Variants in DPYD observed in about 807,000 individuals in gnomAD.
The protein encoded by DPYD is dihydropyrimidine dehydrogenase [NADP(+)].
Under a neutral mutation model 116.2 loss-of-function variants are expected in DPYD, and 109 were observed. That is an observed-to-expected ratio of 0.94 (90% CI 0.80 to 1.10). The LOEUF is 1.10. DPYD is among the 50% of genes least tolerant of loss of function. The probability of loss-of-function intolerance (pLI) is 0.00; values close to 1 mark genes in which losing one functional copy is unlikely to be tolerated. For synonymous variants in DPYD, 440 were observed against 432.0 expected (o/e 1.02, Z -0.23); for missense variants, 1,302 against 1,254.5 (o/e 1.04, Z -0.57).
intron 10 of DPYD, among the ~76,000 whole-genome samples, chr1:97,578,970 A>T (rs890326796): frequency 5.9e-5 from 9 of 152,338 alleles, no homozygotes; most frequent in African/African-American, 1.9e-4. Flanking sequence ...TACAAAATTT[A>T]AAAACTAACA....
chr1:97,249,386 G>T (rs984015940), intron 18 of DPYD, among the ~76,000 whole-genome samples: 2 of 151,020 alleles, frequency 1.3e-5, no homozygotes, highest in African/African-American at 4.9e-5. Flanking sequence ...AGAGGAAGGG[G>T]GGAGAAAAGA....
rs546466630 is a variant in DPYD, at chr1:97,878,766, C to T, written c.150+4498G>A. Reference sequence around the variant, plus strand: ...GATCAACTCACACTGATCATTAAAACGCCTTAACTGTTCTTCCTTCAAAAG... The same window carrying T: ...GATCAACTCACACTGATCATTAAAATGCCTTAACTGTTCTTCCTTCAAAAG... On this transcript the variant is annotated intron_variant, in intron 2 of 22. Transcript: ENST00000370192. 3.9e-5 allele frequency among the ~76,000 whole-genome samples: 6 copies of T among 152,040 alleles called. No individual in the cohort carries two copies. In the East Asian group the frequency reaches 5.8e-4, roughly 15 times the overall value.
intron 14 of DPYD, among the ~76,000 whole-genome samples, chr1:97,392,986 C>A (rs968357568): frequency 6.6e-6 from 1 of 151,988 alleles, no homozygotes; most frequent in African/African-American, 2.4e-5. Flanking sequence ...CTATCCAGAC[C>A]ACTAAAATGT....
At chr1:97,778,149 C>A (rs1666521574) in intron 3 of DPYD, among the ~76,000 whole-genome samples, 1 of 67,654 alleles carries the variant, frequency 1.5e-5, no homozygotes, top group East Asian at 4.1e-4. Flanking sequence ...CAGAGTAAGA[C>A]CCTGTCAAAA....
chr1:97,804,982 T>A (rs1331513967), intron 3 of DPYD, among the ~76,000 whole-genome samples: 8 of 151,944 alleles, frequency 5.3e-5, no homozygotes, highest in Non-Finnish European at 1.0e-4. Flanking sequence ...TAAAATATTT[T>A]GTTAAAACAA....
intron 5 of DPYD, among the ~76,000 whole-genome samples, chr1:97,700,556 G>T (rs1169480288): frequency 6.6e-6 from 1 of 151,970 alleles, no homozygotes. Flanking sequence ...AAATGACAGT[G>T]ATCAGTCCTC....
intron 16 of DPYD, among the ~76,000 whole-genome samples, chr1:97,329,544 C>G (rs140010859): frequency 6.6e-6 from 1 of 151,506 alleles, no homozygotes; most frequent in East Asian, 2.0e-4. Context: ...GTCAGGAGTT[C>G]GAGACCAGCC....
intron 16 of DPYD, among the ~76,000 whole-genome samples, chr1:97,343,211 G>T (rs146321846): frequency 6.6e-6 from 1 of 152,158 alleles, no homozygotes; most frequent in Non-Finnish European, 1.5e-5. Context: ...ACCATTTACA[G>T]CTATTGATTT....
At chr1:97,472,284 C>A (rs1677707926) in intron 13 of DPYD, among the ~76,000 whole-genome samples, 1 of 152,212 alleles carries the variant, frequency 6.6e-6, no homozygotes, top group Non-Finnish European at 1.5e-5. Context: ...TAGACACCTA[C>A]TGGATTAACT....
At chr1:97,314,511 T>A (rs922870988) in intron 16 of DPYD, among the ~76,000 whole-genome samples, 5 of 138,774 alleles carry the variant, frequency 3.6e-5, no homozygotes, top group African/African-American at 1.1e-4. Context: ...TTTTTTTTTT[T>A]ACAAATGGAC....
At chr1:97,752,799 T>C (rs376494587) in intron 3 of DPYD, among the ~76,000 whole-genome samples, 2 of 152,140 alleles carry the variant, frequency 1.3e-5, no homozygotes, top group Non-Finnish European at 2.9e-5. Context: ...AATTATCACA[T>C]TGGACAGTAA....
At chr1:97,453,781 G>T (rs1676543533) in intron 13 of DPYD, among the ~76,000 whole-genome samples, 1 of 151,970 alleles carries the variant, frequency 6.6e-6, no homozygotes, top group Non-Finnish European at 1.5e-5. Context: ...CTACGATGTG[G>T]TGTTAAACTG....
intron 13 of DPYD, among the ~76,000 whole-genome samples, chr1:97,506,219 T>C (rs571943385): frequency 6.6e-6 from 1 of 152,078 alleles, no homozygotes; most frequent in African/African-American, 2.4e-5. Context: ...GTAATCATGG[T>C]ATAAAGTATT....
At chr1:97,554,912 T>G (rs953761533) in intron 11 of DPYD, among the ~76,000 whole-genome samples, 12 of 152,140 alleles carry the variant, frequency 7.9e-5, no homozygotes, top group African/African-American at 2.9e-4. Flanking sequence ...ATATTGTATG[T>G]GTCATTTTCT....
Position 97,244,426 on chromosome 1 carries a change from T to G in DPYD, c.2300-9432A>C, listed in dbSNP as rs145300069. 6.6e-3 allele frequency among the ~76,000 whole-genome samples: 1,004 copies of G among 152,112 alleles called. 12 individuals carry two copies. The highest frequency in any genetic ancestry group is 0.023 in the African/African-American group (954 of 41,530). ...TTAATGAAACAGTACAGTGAGCACA[T>G]TCTTCAATATGGCCAGAGAGGACAT... On this transcript the variant is annotated intron_variant, in intron 18 of 22. Transcript: ENST00000370192.
At chr1:97,817,446 T>C (rs1232594598) in intron 3 of DPYD, among the ~76,000 whole-genome samples, 2 of 152,052 alleles carry the variant, frequency 1.3e-5, no homozygotes, top group Admixed American at 1.3e-4. Flanking sequence ...CAAGCTGATA[T>C]ATGAGAAATG....
Position 97,308,406 on chromosome 1 carries a change from C to A in DPYD, c.2059-2109G>T, listed in dbSNP as rs376239239. On this transcript the variant is annotated intron_variant, in intron 16 of 22. Transcript: ENST00000370192. ...CATACTTAGGCAAGCCAGCTGCTGA[C>A]TAATCATCACAGCCAAGGGTAAGTA... 2.4e-4 allele frequency: 36 copies of A among 151,878 alleles called. 1 individual carries two copies. In the East Asian group the frequency reaches 4.5e-3, roughly 19 times the overall value. 9.4% of individuals were successfully genotyped at this position (151,878 alleles called of 1,614,324 possible).
intron 12 of DPYD, among the ~76,000 whole-genome samples, chr1:97,525,701 A>G (rs1648998618): frequency 6.6e-6 from 1 of 150,870 alleles, no homozygotes; most frequent in Non-Finnish European, 1.5e-5. Flanking sequence ...TGCTGATTTT[A>G]GGCCAGTCTC....
At chr1:97,252,524 A>G (rs1663169024) in intron 18 of DPYD, among the ~76,000 whole-genome samples, 1 of 152,218 alleles carries the variant, frequency 6.6e-6, no homozygotes, top group African/African-American at 2.4e-5. Flanking sequence ...AATTCCAAAC[A>G]GCATTCGACC....
Sources: allele counts gnomAD v4.1 joint callset (sites outside exome capture counted in the v4.1 genomes callset), GRCh38; gene constraint gnomAD v4.1.1; transcripts MANE v1.5; gene names NCBI Gene and HGNC (gene_info 2026-07-23, HGNC 2026-07-21).